OPCML: variants seen among roughly 807,000 people sequenced by gnomAD.
OPCML encodes the protein opioid binding protein/cell adhesion molecule like.
Under a neutral mutation model 37.8 loss-of-function variants are expected in OPCML, and 13 were observed. The observed-to-expected ratio is 0.34, with a 90% CI of 0.22 to 0.55. OPCML has a LOEUF of 0.55. Ranked by LOEUF, OPCML falls within the 20% of genes least tolerant of loss-of-function variation. OPCML has a pLI of 0.91. For missense variants in OPCML, 341 were observed against 435.6 expected, an observed-to-expected ratio of 0.78 and a Z score of 1.93; for synonymous variants, 176 against 168.8, an observed-to-expected ratio of 1.04 and a Z score of -0.33.
chr11:133,491,915 AG>A (rs1565664712), intron 1 of OPCML, among the ~76,000 whole-genome samples: 1 of 152,200 alleles, frequency 6.6e-6, no homozygotes, highest in African/African-American at 2.4e-5. Flanking sequence ...CTCACTCACG[AG>A]GCCTTTCTAT....
chr11:133,013,354 A>G (rs1294016585), intron 1 of OPCML, among the ~76,000 whole-genome samples: 1 of 152,232 alleles, frequency 6.6e-6, no homozygotes, highest in African/African-American at 2.4e-5. Flanking sequence ...CAAACAATGC[A>G]CATATCCAAT....
intron 1 of OPCML, among the ~76,000 whole-genome samples, chr11:133,438,734 G>A (rs1351246858): frequency 1.1e-4 from 17 of 152,108 alleles, no homozygotes; most frequent in Admixed American, 1.1e-3. Context: ...ATAATTAGCC[G>A]GTTGCAACTT....
chr11:133,144,625 G>A (rs1949872949), intron 1 of OPCML, among the ~76,000 whole-genome samples: 1 of 152,214 alleles, frequency 6.6e-6, no homozygotes. Context: ...TTTGTCGAGT[G>A]CATAAGTGAT....
intron 3 of OPCML, among the ~76,000 whole-genome samples, chr11:132,576,757 G>A (rs1314741310): frequency 6.6e-6 from 1 of 152,086 alleles, no homozygotes; most frequent in Non-Finnish European, 1.5e-5. Flanking sequence ...CTATACAGGA[G>A]ACGACTCCTA....
intron 2 of OPCML, among the ~76,000 whole-genome samples, chr11:132,752,278 AAGAG>A (rs567555055): frequency 4.6e-5 from 7 of 151,896 alleles, no homozygotes; most frequent in East Asian, 1.9e-4. Context: ...AAAAAATTAA[AAGAG>A]AGAGAGAGAG....
chr11:132,908,464 T>G (rs1258468293), intron 2 of OPCML, among the ~76,000 whole-genome samples: 2 of 152,198 alleles, frequency 1.3e-5, no homozygotes, highest in Admixed American at 1.3e-4. Context: ...AAACCTAGTG[T>G]ATATGAATTC....
At chr11:133,086,029 G>A (rs886429216) in intron 1 of OPCML, among the ~76,000 whole-genome samples, 3 of 152,170 alleles carry the variant, frequency 2.0e-5, no homozygotes, top group African/African-American at 7.2e-5. Context: ...GACAGTTAAT[G>A]ATCCCTCTCT....
intron 3 of OPCML, among the ~76,000 whole-genome samples, chr11:132,536,446 G>T (rs1189992296): frequency 2.0e-5 from 3 of 152,116 alleles, no homozygotes; most frequent in African/African-American, 7.2e-5. Context: ...AAAAATATTT[G>T]CATCACAGAG....
At chr11:132,590,602 A>G (rs1045577657) in intron 3 of OPCML, among the ~76,000 whole-genome samples, 3 of 152,218 alleles carry the variant, frequency 2.0e-5, no homozygotes, top group Non-Finnish European at 4.4e-5. Context: ...TTTTACAGAT[A>G]AAGTCAAACA....
chr11:132,543,832 G>T (rs537485699), intron 3 of OPCML, among the ~76,000 whole-genome samples: 1 of 152,196 alleles, frequency 6.6e-6, no homozygotes, highest in South Asian at 2.1e-4. Flanking sequence ...GGATTTCTAA[G>T]CATGAAGAAG....
At chr11:133,469,881 C>T (rs963237875) in intron 1 of OPCML, among the ~76,000 whole-genome samples, 1 of 152,210 alleles carries the variant, frequency 6.6e-6, no homozygotes, top group African/African-American at 2.4e-5. Flanking sequence ...CTTAAAGAGG[C>T]TTTCAAATTT....
intron 1 of OPCML, among the ~76,000 whole-genome samples, chr11:132,963,093 C>A (rs962827836): frequency 6.6e-6 from 1 of 152,174 alleles, no homozygotes; most frequent in East Asian, 1.9e-4. Context: ...CCACTAGAAC[C>A]CCAGATGCTT....
Position 132,843,524 on chromosome 11 carries a change from T to C in OPCML, c.146+99402A>G, listed in dbSNP as rs116239614. Among the ~76,000 whole-genome samples the C allele has an allele frequency of 7.3e-3, 1,116 of 151,954 alleles. 9 individuals are homozygous for C. Among genetic ancestry groups the C allele is most frequent in the African/African-American group, 0.026 (1,077 of 41,434 alleles). On this transcript the variant is annotated intron_variant, in intron 2 of 7. Transcript: ENST00000524381. ...AAGAAAGAGAGTCACTGTTTAAACA[T>C]AGCACTGGTGTTATTTTAGACGCAT...
intron 1 of OPCML, among the ~76,000 whole-genome samples, chr11:133,465,275 C>A (rs1946949810): frequency 6.6e-6 from 1 of 152,094 alleles, no homozygotes; most frequent in Non-Finnish European, 1.5e-5. Context: ...TGACTCTGAC[C>A]CCATAACCCT....
At chr11:132,537,027 C>T (rs139255010) in intron 3 of OPCML, among the ~76,000 whole-genome samples, 152 of 152,300 alleles carry the variant, frequency 1.0e-3, no homozygotes, top group Middle Eastern at 3.4e-3. Flanking sequence ...TGGTCTAAAA[C>T]CCTGGGAGCC....
chr11:132,587,219 G>T (rs1326357719), intron 3 of OPCML, among the ~76,000 whole-genome samples: 2 of 152,210 alleles, frequency 1.3e-5, no homozygotes, highest in East Asian at 3.8e-4. Flanking sequence ...ATTCTGAGGG[G>T]TTTGCAAAAG....
intron 1 of OPCML, among the ~76,000 whole-genome samples, chr11:133,256,050 T>C (rs1316418455): frequency 4.6e-5 from 7 of 152,232 alleles, no homozygotes; most frequent in Non-Finnish European, 8.8e-5. Flanking sequence ...GCTAAGGCTA[T>C]AATAACTTTA....
intron 1 of OPCML, among the ~76,000 whole-genome samples, chr11:133,233,261 G>A (rs1328251302): frequency 6.6e-6 from 1 of 152,132 alleles, no homozygotes; most frequent in Non-Finnish European, 1.5e-5. Context: ...GATGTTCAGA[G>A]GATCAGAACG....
At chr11:132,594,394 C>A (rs1565694042) in intron 3 of OPCML, among the ~76,000 whole-genome samples, 3 of 151,918 alleles carry the variant, frequency 2.0e-5, no homozygotes, top group Non-Finnish European at 2.9e-5. Context: ...AAGATATATG[C>A]ATGAGAAAAG....
Sources: gnomAD v4.1 joint callset for allele counts (sites outside exome capture counted in the v4.1 genomes callset) on GRCh38, gnomAD v4.1.1 for gene constraint, MANE v1.5 for transcripts, NCBI Gene and HGNC (gene_info 2026-07-23, HGNC 2026-07-21) for gene names.